DNAAF1: variants seen among roughly 807,000 people sequenced by gnomAD.
DNAAF1 encodes the protein dynein assembly factor 1, axonemal.
A neutral mutation model predicts 71.1 loss-of-function variants in DNAAF1; 65 were observed. The observed-to-expected ratio is 0.91, with a 90% CI of 0.75 to 1.12. DNAAF1 has a LOEUF of 1.12. DNAAF1 is among the 50% of genes most tolerant of loss of function. The probability of loss-of-function intolerance (pLI) is 0.00; values close to 1 mark genes in which losing one functional copy is unlikely to be tolerated. For synonymous variants in DNAAF1, 414 were observed against 354.6 expected (o/e 1.17, Z -1.88); for missense variants, 1,178 against 899.8 (o/e 1.31, Z -3.96).
In DNAAF1 at chr16:84,145,394, C is replaced by T; in HGVS notation, c.-47C>T. On this transcript the variant is annotated 5_prime_UTR_variant, in exon 1 of 12. Coordinates refer to ENST00000378553, the MANE Select transcript of DNAAF1 (RefSeq NM_178452.6). ...GGGCCGTAGCGACGTCCGCCGCGAA[C>T]CTGGGCCCCCCAAAGCTGCGGGGCG... The T allele has an allele frequency of 1.3e-6, 2 of 1,564,262 alleles. No individual in the cohort carries two copies. The highest frequency in any genetic ancestry group is 1.7e-6 in the Non-Finnish European group (2 of 1,154,872).
chr16:84,159,854 ATAT>A, intron 6 of DNAAF1, 58 bp downstream of exon 6: 1 of 1,594,066 alleles, frequency 6.3e-7, no homozygotes, highest in East Asian at 2.3e-5. Flanking sequence ...ACCATGCTTA[ATAT>A]TAAACTTTTT....
chr16:84,177,531 G>A (rs554679028), intron 11 of DNAAF1, 198 bp from the exon 12 acceptor site: 41 of 553,900 alleles, frequency 7.4e-5, no homozygotes, highest in African/African-American at 7.2e-4. Context: ...GTTTCACCAT[G>A]TTGACCAGGC....
Position 84,154,644 on chromosome 16 carries a change from A to C in DNAAF1, c.420A>C (p.Gly140=). 4.3e-6 allele frequency: 7 copies of C among 1,614,166 alleles called. No individual in the cohort carries two copies. The highest frequency in any genetic ancestry group is 5.9e-6 in the Non-Finnish European group (7 of 1,180,032). Residue 140 remains glycine (G), a synonymous_variant, in exon 4 of 12, where the codon GGA becomes GGC. Transcript: ENST00000378553. ...GLRCLWLQSN[G]IQKIENLEAQ... ...GCTGTCTCTGGCTGCAGAGCAATGGAATACAGAAAATCGAAAACCTGGAGG... is the reference window on the plus strand; with the variant it reads ...GCTGTCTCTGGCTGCAGAGCAATGGCATACAGAAAATCGAAAACCTGGAGG...
chr16:84,145,803 A>G lies in DNAAF1; in HGVS notation c.124+239A>G, dbSNP rs145022659. ...TAACCCTCGGCTAGTCAGTGACAGA[A>G]GAGACTTGGCCGGGTGCGGTGGCTC... On this transcript the variant is annotated intron_variant, in intron 1 of 11. Transcript: ENST00000378553. Among the ~76,000 whole-genome samples the G allele has an allele frequency of 2.6e-3, 391 of 152,342 alleles. 2 individuals carry two copies. The highest frequency in any genetic ancestry group is 9.2e-3 in the African/African-American group (382 of 41,588).
At chr16:84,171,418 C>A (rs1388190702) in intron 8 of DNAAF1, among the ~76,000 whole-genome samples, 1 of 152,118 alleles carries the variant, frequency 6.6e-6, no homozygotes. Context: ...CACCACTGCA[C>A]TCCAGCCGGG....
chr16:84,166,029 T>C, intron 7 of DNAAF1, 80 bp downstream of exon 7: 1 of 1,427,866 alleles, frequency 7.0e-7, no homozygotes, highest in Non-Finnish European at 9.7e-7. Context: ...CAGTCTTTAA[T>C]CTTGGGAATT....
chr16:84,153,131 T>G (rs1457173766), intron 3 of DNAAF1, among the ~76,000 whole-genome samples: 3 of 152,164 alleles, frequency 2.0e-5, no homozygotes, highest in Non-Finnish European at 2.9e-5. Flanking sequence ...CACAGTGGTG[T>G]TGTGGCTATC....
At chr16:84,155,131 A>C (rs1372466269) in intron 4 of DNAAF1, among the ~76,000 whole-genome samples, 2 of 152,102 alleles carry the variant, frequency 1.3e-5, no homozygotes, top group Non-Finnish European at 2.9e-5. Flanking sequence ...GATGGTCTCG[A>C]TCTCCTGACC....
Position 84,172,265 on chromosome 16 carries a change from A to G in DNAAF1, c.1534A>G (p.Thr512Ala). The G allele has an allele frequency of 6.2e-7, 1 of 1,613,706 alleles. No individual in the cohort carries two copies. The highest frequency in any genetic ancestry group is 8.5e-7 in the Non-Finnish European group (1 of 1,179,962). ...PPLGAAREEP[T>A]PQAVATEGVF... is the part of the protein sequence containing the mutation. ...GACTTGTTGTTGCTCTTTAGAACCG[A>G]CTCCCCAGGCTGTGGCCACTGAGGG... Residue 512 changes from threonine (T) to alanine (A), a missense_variant, in exon 9 of 12, where the codon ACT becomes GCT. Coordinates refer to ENST00000378553, the MANE Select transcript of DNAAF1 (RefSeq NM_178452.6).
intron 3 of DNAAF1, among the ~76,000 whole-genome samples, chr16:84,153,320 T>C (rs538775081): frequency 6.6e-6 from 1 of 152,232 alleles, no homozygotes; most frequent in South Asian, 2.1e-4. Context: ...GGATGACCTA[T>C]GCAGCAAACC....
Position 84,168,827 on chromosome 16 carries a change from T to TACACACACACACACACACACACACACAC in DNAAF1, c.1031-1029_1031-1002dup, listed in dbSNP as rs55903132. Among the ~76,000 whole-genome samples the TACACACACACACACACACACACACACAC allele has an allele frequency of 7.3e-4, 107 of 145,990 alleles. No homozygotes were observed. The East Asian group carries it at 0.011, about 15-fold the overall frequency. The stretch of plus-strand genomic sequence containing the variant: ...CATAATTTGCTACACATTTGCCACA[T>TACACACACACACACACACACACACACAC]ACACACACACACACACACACACACA... On this transcript the variant is annotated intron_variant, in intron 7 of 11. Transcript: ENST00000378553.
In DNAAF1 at chr16:84,165,779, A is replaced by G. The variant is rs770570669; in HGVS notation, c.864-4A>G. On this transcript the variant is annotated splice_region_variant and splice_polypyrimidine_tract_variant and intron_variant, in intron 6 of 11. Transcript: ENST00000378553. ...CTATTTATGTTTCTTTGTTTTTTAAACAGAGCTTGTGCGGAGGCCTGGGCT... is the reference window on the plus strand; with the variant it reads ...CTATTTATGTTTCTTTGTTTTTTAAGCAGAGCTTGTGCGGAGGCCTGGGCT... 2 of 1,613,538 alleles carry G rather than the reference A, an allele frequency of 1.2e-6. No homozygotes were observed. The highest frequency in any genetic ancestry group is 1.7e-6 in the Non-Finnish European group (2 of 1,179,862).
intron 8 of DNAAF1, among the ~76,000 whole-genome samples, chr16:84,170,825 C>T (rs2088292475): frequency 6.6e-6 from 1 of 151,748 alleles, no homozygotes; most frequent in Non-Finnish European, 1.5e-5. Context: ...GAGTGAGACC[C>T]TCCCTCAAAA....
At chr16:84,154,474 G>A in intron 3 of DNAAF1, 103 bp from the exon 4 acceptor site, 1 of 980,744 alleles carries the variant, frequency 1.0e-6, no homozygotes, top group Non-Finnish European at 1.6e-6. Flanking sequence ...ATTTTGAAGG[G>A]ACACAGACAT....
chr16:84,157,574 T>C (rs938108050), intron 5 of DNAAF1, among the ~76,000 whole-genome samples: 1 of 151,968 alleles, frequency 6.6e-6, no homozygotes, highest in Admixed American at 6.6e-5. Flanking sequence ...TTGCTTCCTA[T>C]GTCCTTTTGA....
chr16:84,169,267 C>G (rs1410154588), intron 7 of DNAAF1, among the ~76,000 whole-genome samples: 1 of 146,294 alleles, frequency 6.8e-6, no homozygotes, highest in Non-Finnish European at 1.5e-5. Context: ...TTTTTTTTCA[C>G]TAGAGATGAG....
intron 3 of DNAAF1, among the ~76,000 whole-genome samples, chr16:84,151,681 A>T (rs1017422717): frequency 1.3e-5 from 2 of 152,142 alleles, no homozygotes; most frequent in African/African-American, 2.4e-5. Context: ...GGAACTCGGG[A>T]GTCATCAGCT....
rs1342168248 is a variant in DNAAF1, at chr16:84,145,309, T to G, written c.-132T>G. On this transcript the variant is annotated 5_prime_UTR_variant, in exon 1 of 12. Coordinates refer to ENST00000378553, the MANE Select transcript of DNAAF1 (RefSeq NM_178452.6). Reference sequence around the variant, plus strand: ...GGGCGACCGGGGAAGCGTTGGGCTGTAAAGACTAGGGCGCCAGCGGCTGGC... The same window carrying G: ...GGGCGACCGGGGAAGCGTTGGGCTGGAAAGACTAGGGCGCCAGCGGCTGGC... The G allele has an allele frequency of 1.4e-6, 2 of 1,473,366 alleles. No homozygotes were observed. The highest frequency in any genetic ancestry group is 1.8e-6 in the Non-Finnish European group (2 of 1,093,662). 91.3% of individuals were successfully genotyped at this position (1,473,366 alleles called of 1,614,324 possible).
In DNAAF1 at chr16:84,154,683, G is replaced by T; in HGVS notation, c.459G>T (p.Leu153Phe). 1.2e-6 allele frequency: 2 copies of T among 1,614,162 alleles called. No individual in the cohort carries two copies. Among genetic ancestry groups the T allele is most frequent in the Non-Finnish European group, 1.7e-6 (2 of 1,180,030 alleles). The change falls in exon 4 of 12, where the codon TTG (leucine) becomes TTT (phenylalanine). Residue 153 changes from leucine to phenylalanine, a missense_variant. Transcript: ENST00000378553. ...AAAACCTGGAGGCCCAAACTGAGTTGCGTTGCCTCTTCTTGCAAATGAACT... is the reference window on the plus strand; with the variant it reads ...AAAACCTGGAGGCCCAAACTGAGTTTCGTTGCCTCTTCTTGCAAATGAACT... ...KIENLEAQTE[L>F]RCLFLQMNLL...
Sources: allele counts gnomAD v4.1 joint callset (sites outside exome capture counted in the v4.1 genomes callset), GRCh38; gene constraint gnomAD v4.1.1; transcripts MANE v1.5; gene names NCBI Gene and HGNC (gene_info 2026-07-23, HGNC 2026-07-21).